SGCD: variants seen among roughly 807,000 people sequenced by gnomAD.
SGCD encodes the protein delta-sarcoglycan.
A neutral mutation model predicts 36.6 loss-of-function variants in SGCD; 18 were observed. The ratio of observed to expected loss-of-function variants is 0.49; its 90% CI spans 0.34 to 0.73. The LOEUF (loss-of-function observed/expected upper bound fraction) is 0.73, where lower values mean the gene tolerates loss of function less well. Ranked by LOEUF, SGCD falls within the 30% of genes least tolerant of loss-of-function variation. The pLI is 0.01. For synonymous variants in SGCD, 133 were observed against 130.6 expected, an observed-to-expected ratio of 1.02 and a Z score of -0.12; for missense variants, 387 against 346.7, an observed-to-expected ratio of 1.12 and a Z score of -0.92.
intron 1 of SGCD, among the ~76,000 whole-genome samples, chr5:156,082,335 C>T (rs761197164): frequency 6.6e-6 from 1 of 151,870 alleles, no homozygotes; most frequent in Admixed American, 6.6e-5. Context: ...TTCCTCAGTT[C>T]TGTATGTCAA....
chr5:156,591,540 G>A (rs1488151292), intron 5 of SGCD, among the ~76,000 whole-genome samples: 1 of 152,198 alleles, frequency 6.6e-6, no homozygotes, highest in Non-Finnish European at 1.5e-5. Flanking sequence ...TGTTAAGAGA[G>A]TTGGGAAGAG....
At chr5:156,593,579 C>A (rs1274582532) in intron 5 of SGCD, among the ~76,000 whole-genome samples, 1 of 152,144 alleles carries the variant, frequency 6.6e-6, no homozygotes, top group Non-Finnish European at 1.5e-5. Flanking sequence ...CTCCCATTTT[C>A]TGATAGTATT....
At chr5:155,956,289 G>A (rs1757647591) in intron 1 of SGCD, among the ~76,000 whole-genome samples, 1 of 151,932 alleles carries the variant, frequency 6.6e-6, no homozygotes, top group African/African-American at 2.4e-5. Context: ...TGACCTGGCA[G>A]CTGGCTTGTA....
chr5:155,893,854 G>T (rs115428517), intron 1 of SGCD, among the ~76,000 whole-genome samples: 1 of 152,172 alleles, frequency 6.6e-6, no homozygotes, highest in Non-Finnish European at 1.5e-5. Flanking sequence ...TATTACATGC[G>T]TAGGCAATAT....
chr5:155,811,021 T>G, the SGCD span, among the ~76,000 whole-genome samples: 2 of 149,272 alleles, frequency 1.3e-5, no homozygotes, highest in East Asian at 2.0e-4. Context: ...GTTTCACCGT[T>G]TTAGCCGGGA....
At chr5:156,656,840 C>T (rs536635826) in intron 7 of SGCD, among the ~76,000 whole-genome samples, 14 of 152,240 alleles carry the variant, frequency 9.2e-5, no homozygotes, top group Non-Finnish European at 1.3e-4. Context: ...AAAGATTCTA[C>T]GATACATCTA....
chr5:156,536,589 G>GTGTTTGTTTGTTTGTT (rs111527710), intron 4 of SGCD, among the ~76,000 whole-genome samples: 2 of 151,422 alleles, frequency 1.3e-5, no homozygotes, highest in African/African-American at 4.9e-5. Context: ...AAGCTTTGAG[G>GTGTTTGTTTGTTTGTT]TGTTTGTTTG....
chr5:155,842,592 C>T, the SGCD span, among the ~76,000 whole-genome samples: 1 of 151,392 alleles, frequency 6.6e-6, no homozygotes, highest in Non-Finnish European at 1.5e-5. Flanking sequence ...AAAAAAGTGA[C>T]TAAAATAAAG....
chr5:156,329,659 A>G, intron 2 of SGCD, 80 bp downstream of exon 2: 1 of 1,321,190 alleles, frequency 7.6e-7, no homozygotes, highest in Non-Finnish European at 1.1e-6. Context: ...TTTGAAAAAG[A>G]GAACAAAGTG....
At chr5:156,695,303 A>G (rs899224055) in intron 7 of SGCD, among the ~76,000 whole-genome samples, 19 of 152,142 alleles carry the variant, frequency 1.2e-4, no homozygotes, top group Admixed American at 6.6e-4. Flanking sequence ...ATTAGGCACC[A>G]TAATGTGAGT....
intron 3 of SGCD, among the ~76,000 whole-genome samples, chr5:156,170,069 G>A (rs545214392): frequency 1.8e-4 from 27 of 152,218 alleles, no homozygotes; most frequent in African/African-American, 6.0e-4. Context: ...GGGGCTTTGC[G>A]GCCAGGCCCT....
At chr5:156,746,365 T>G (rs1756937417) in intron 7 of SGCD, among the ~76,000 whole-genome samples, 1 of 152,128 alleles carries the variant, frequency 6.6e-6, no homozygotes, top group African/African-American at 2.4e-5. Context: ...AGGCATCTAC[T>G]AAAGGAAAAT....
chr5:156,011,046 ATTTT>A (rs1425166414), intron 1 of SGCD, among the ~76,000 whole-genome samples: 1 of 152,188 alleles, frequency 6.6e-6, no homozygotes, highest in African/African-American at 2.4e-5. Flanking sequence ...AAAAACATGC[ATTTT>A]TATGCATGTT....
At chr5:155,897,312 C>T (rs1259830432) in intron 1 of SGCD, among the ~76,000 whole-genome samples, 1 of 152,076 alleles carries the variant, frequency 6.6e-6, no homozygotes, top group Non-Finnish European at 1.5e-5. Flanking sequence ...GTAAAAAATG[C>T]ACACCTGTCT....
chr5:156,281,175 G>T (rs780206552), intron 3 of SGCD, among the ~76,000 whole-genome samples: 9 of 152,108 alleles, frequency 5.9e-5, no homozygotes, highest in Admixed American at 1.3e-4. Context: ...AAATATAAGT[G>T]CTGGGTTCCA....
the SGCD span, among the ~76,000 whole-genome samples, chr5:155,759,030 CA>C: frequency 2.0e-5 from 3 of 150,646 alleles, no homozygotes; most frequent in Non-Finnish European, 4.4e-5. Flanking sequence ...TTTTTAGAGT[CA>C]AGATTGTGCT....
intron 6 of SGCD, among the ~76,000 whole-genome samples, chr5:156,629,727 T>C (rs887600347): frequency 5.3e-5 from 8 of 152,052 alleles, no homozygotes; most frequent in African/African-American, 1.7e-4. Context: ...CCATAAACAA[T>C]AGGTAATCAA....
chr5:155,804,972 TGC>T, the SGCD span, among the ~76,000 whole-genome samples: 1 of 152,204 alleles, frequency 6.6e-6, no homozygotes, highest in Non-Finnish European at 1.5e-5. Flanking sequence ...CCAGCACAGT[TGC>T]CATTAGCCAC....
intron 3 of SGCD, among the ~76,000 whole-genome samples, chr5:156,446,070 G>A (rs543764345): frequency 6.6e-6 from 1 of 152,194 alleles, no homozygotes; most frequent in Admixed American, 6.5e-5. Flanking sequence ...TCAGTGCCTG[G>A]CATGTGGTTG....
Sources: allele counts gnomAD v4.1 joint callset (sites outside exome capture counted in the v4.1 genomes callset), GRCh38; gene constraint gnomAD v4.1.1; transcripts MANE v1.5; gene names NCBI Gene and HGNC (gene_info 2026-07-23, HGNC 2026-07-21).